The following ZMYM4 variants were observed in gnomAD, a reference collection of about 807,000 sequenced individuals.
ZMYM4 encodes zinc finger MYM-type containing 4.
ZMYM4 carries 31 observed loss-of-function variants against 183.2 expected under a neutral mutation model. The ratio of observed to expected loss-of-function variants is 0.17; its 90% CI spans 0.13 to 0.23. ZMYM4 has a LOEUF of 0.23. ZMYM4 is among the 10% of genes least tolerant of loss of function. The pLI, the probability that ZMYM4 is intolerant of heterozygous loss-of-function variation, is 1.00. For synonymous variants in ZMYM4, 592 were observed against 631.2 expected, an observed-to-expected ratio of 0.94 and a Z score of 0.93; for missense variants, 1,273 against 1,840.3, an observed-to-expected ratio of 0.69 and a Z score of 5.64.
chr1:35,389,624 G>A lies in ZMYM4; in HGVS notation c.2437-324G>A, dbSNP rs971780522. The stretch of plus-strand genomic sequence containing the variant: ...AAAAAAATTAGCTGGGTGTGGTGGC[G>A]GGCGCCTGTAGTCCCAGCTACCTGG... On this transcript the variant is annotated intron_variant, in intron 14 of 29. Transcript: ENST00000314607. This position sits in a 1 kb window ranked among gnomAD's most constrained non-coding sequence, Gnocchi z 4.0. 3.3e-5 allele frequency among the ~76,000 whole-genome samples: 5 copies of A among 151,770 alleles called. No homozygotes were observed. The highest frequency in any genetic ancestry group is 2.1e-4 in the South Asian group (1 of 4,816).
rs904577063 is a variant in ZMYM4 at position 35,325,249 on chromosome 1, T to C, written c.40-111T>C. On this transcript the variant is annotated intron_variant, in intron 1 of 29. Coordinates refer to ENST00000314607, the MANE Select transcript of ZMYM4 (RefSeq NM_005095.3). ...AATGTTTTTGTTTATATTGTGCACT[T>C]GTCATTTGGGTTGAAAATTACAGCT... 31 of 975,592 alleles carry C rather than the reference T, an allele frequency of 3.2e-5. No individual in the cohort carries two copies. In the South Asian group the frequency reaches 5.9e-4, roughly 19 times the overall value. The allele number at this position is 975,592 out of a possible 1,614,324, so 60.4% of individuals were successfully genotyped here. A position where few individuals can be genotyped will look rare whatever the true frequency, so the allele number is the denominator to read the frequency against.
chr1:35,317,267 T>C (rs538044128), intron 1 of ZMYM4, among the ~76,000 whole-genome samples: 12 of 152,218 alleles, frequency 7.9e-5, no homozygotes, highest in Admixed American at 5.9e-4. Context: ...ACCCTGTCTC[T>C]GCTAAAAACA....
At chr1:35,293,457 G>A (rs1184236084) in intron 1 of ZMYM4, among the ~76,000 whole-genome samples, 3 of 151,944 alleles carry the variant, frequency 2.0e-5, no homozygotes, top group African/African-American at 7.3e-5. Flanking sequence ...GAGATTACAG[G>A]CAATGCGCCA....
At chr1:35,322,959 G>C (rs1570351513) in intron 1 of ZMYM4, among the ~76,000 whole-genome samples, 3 of 151,040 alleles carry the variant, frequency 2.0e-5, no homozygotes, top group Non-Finnish European at 1.5e-5. Context: ...CAAAGTGCTA[G>C]GATTACAGGC....
At chr1:35,403,193 A>G (rs1307482505) in intron 23 of ZMYM4, among the ~76,000 whole-genome samples, 1 of 152,122 alleles carries the variant, frequency 6.6e-6, no homozygotes, top group Non-Finnish European at 1.5e-5. Flanking sequence ...CAAATGATTA[A>G]CCTTCCATTC....
intron 1 of ZMYM4, among the ~76,000 whole-genome samples, chr1:35,275,850 T>C (rs1224626280): frequency 6.6e-6 from 1 of 152,222 alleles, no homozygotes; most frequent in East Asian, 1.9e-4. Flanking sequence ...CAAAGTCAGT[T>C]TATGGTATAA....
intron 2 of ZMYM4, among the ~76,000 whole-genome samples, chr1:35,328,827 C>T (rs1432498417): frequency 1.3e-5 from 2 of 152,038 alleles, no homozygotes; most frequent in Non-Finnish European, 2.9e-5. Context: ...CTGGAAAGCT[C>T]CGATACCAAA....
At chr1:35,390,895 G>A (rs1644690261) in intron 15 of ZMYM4, among the ~76,000 whole-genome samples, 1 of 152,180 alleles carries the variant, frequency 6.6e-6, no homozygotes, top group Admixed American at 6.5e-5. Context: ...GGCCAGATGT[G>A]ATGGTTCATG....
intron 1 of ZMYM4, among the ~76,000 whole-genome samples, chr1:35,291,741 G>A (rs1363350241): frequency 2.0e-5 from 3 of 150,854 alleles, no homozygotes; most frequent in African/African-American, 4.9e-5. Context: ...GAGTTCAAGC[G>A]ATTCTCCTGC....
rs571375122 is a variant in ZMYM4 at position 35,301,322 on chromosome 1, G to A, written c.40-24038G>A. 9.2e-5 allele frequency among the ~76,000 whole-genome samples: 14 copies of A among 152,164 alleles called. No homozygotes were observed. In the East Asian group the frequency reaches 9.7e-4, roughly 11 times the overall value. Reference sequence around the variant, plus strand: ...AGCACTTTGGGAGGCCAAGGCGGGCGGATCACTTAAGGTCAGGAGTTCAAG... The same window carrying A: ...AGCACTTTGGGAGGCCAAGGCGGGCAGATCACTTAAGGTCAGGAGTTCAAG... On this transcript the variant is annotated intron_variant, in intron 1 of 29. Transcript: ENST00000314607.
In ZMYM4 at chr1:35,416,637, C is replaced by A. The variant is rs564595151; in HGVS notation, c.4309+923C>A. Among the ~76,000 whole-genome samples, 14 of 152,280 alleles carry A rather than the reference C, an allele frequency of 9.2e-5. No homozygotes were observed. In the East Asian group the frequency reaches 2.5e-3, roughly 27 times the overall value. ...GGAGTGCAGTGGTGTGATCTCAGCT[C>A]ACTGCAGACTTCGCCTCCCAGGTTC... On this transcript the variant is annotated intron_variant, in intron 28 of 29. Transcript: ENST00000314607.
At chr1:35,328,564 G>A (rs1339244317) in intron 2 of ZMYM4, among the ~76,000 whole-genome samples, 1 of 148,336 alleles carries the variant, frequency 6.7e-6, no homozygotes. Context: ...CCAAAGTGCT[G>A]GGATTACAGG....
intron 1 of ZMYM4, among the ~76,000 whole-genome samples, chr1:35,278,105 A>G (rs1021848785): frequency 3.3e-5 from 5 of 152,090 alleles, no homozygotes; most frequent in Admixed American, 6.6e-5. Flanking sequence ...CTTGGTTGGT[A>G]TTCCTTGACT....
At chr1:35,321,265 G>C (rs1642270348) in intron 1 of ZMYM4, among the ~76,000 whole-genome samples, 1 of 152,138 alleles carries the variant, frequency 6.6e-6, no homozygotes. Flanking sequence ...CGGGAAGTTG[G>C]GTGTGTGTGG....
intron 2 of ZMYM4, among the ~76,000 whole-genome samples, chr1:35,352,522 C>T (rs1643666741): frequency 6.6e-6 from 1 of 152,138 alleles, no homozygotes. Context: ...CTAGGATTCT[C>T]AGGTTATCTC....
chr1:35,374,857 T>G (rs1360523070), intron 7 of ZMYM4, among the ~76,000 whole-genome samples: 1 of 152,188 alleles, frequency 6.6e-6, no homozygotes, highest in African/African-American at 2.4e-5. Flanking sequence ...GCCTCCAGTC[T>G]CTGGTGTTTG....
intron 1 of ZMYM4, among the ~76,000 whole-genome samples, chr1:35,313,390 C>CTTTTTT (rs36112055): frequency 1.8e-4 from 24 of 131,556 alleles, no homozygotes; most frequent in African/African-American, 3.4e-4. Context: ...TTTTCTTTTT[C>CTTTTTT]TTTTTTTTTT....
intron 2 of ZMYM4, among the ~76,000 whole-genome samples, chr1:35,329,058 A>G (rs998122773): frequency 6.6e-6 from 1 of 152,176 alleles, no homozygotes; most frequent in Non-Finnish European, 1.5e-5. Context: ...GTATAATCCT[A>G]TCACTGTCAG....
At chr1:35,316,950 T>A (rs1642071678) in intron 1 of ZMYM4, among the ~76,000 whole-genome samples, 1 of 150,984 alleles carries the variant, frequency 6.6e-6, no homozygotes, top group African/African-American at 2.4e-5. Context: ...GGTGAAACCC[T>A]GTCTCTACTG....
Sources: allele counts gnomAD v4.1 joint callset (sites outside exome capture counted in the v4.1 genomes callset), GRCh38; gene constraint gnomAD v4.1.1; non-coding constraint Gnocchi (gnomAD v3.1); transcripts MANE v1.5; gene names NCBI Gene and HGNC (gene_info 2026-07-23, HGNC 2026-07-21).